Variants in R3HDM2 observed in about 807,000 individuals in gnomAD.
R3HDM2 encodes R3H domain containing 2.
A neutral mutation model predicts 124.5 loss-of-function variants in R3HDM2; 38 were observed. The ratio of observed to expected loss-of-function variants is 0.31; its 90% CI spans 0.24 to 0.40. The LOEUF is 0.40. Among genes scored for constraint, R3HDM2 ranks in the 10% least tolerant of loss-of-function variants. The probability of loss-of-function intolerance (pLI) is 1.00; values close to 1 mark genes in which losing one functional copy is unlikely to be tolerated. For missense variants in R3HDM2, 869 were observed against 1,236.9 expected, an observed-to-expected ratio of 0.70 and a Z score of 4.46; for synonymous variants, 391 against 448.0, an observed-to-expected ratio of 0.87 and a Z score of 1.61.
intron 2 of R3HDM2, among the ~76,000 whole-genome samples, chr12:57,315,182 C>A (rs866003224): frequency 6.6e-6 from 1 of 152,048 alleles, no homozygotes; most frequent in African/African-American, 2.4e-5. Flanking sequence ...GCATTACATG[C>A]GCTCGCTTCC....
At chr12:57,385,194 G>C (rs1445211608) in intron 2 of R3HDM2, among the ~76,000 whole-genome samples, 4 of 150,968 alleles carry the variant, frequency 2.6e-5, no homozygotes, top group Non-Finnish European at 2.9e-5. Context: ...TCTGGCTGTA[G>C]AATGAGGGGA....
intron 2 of R3HDM2, among the ~76,000 whole-genome samples, chr12:57,392,804 CTTTTTTTTTTT>C (rs1183514418): frequency 7.8e-6 from 1 of 127,526 alleles, no homozygotes; most frequent in Non-Finnish European, 1.7e-5. Context: ...CTATAGTACA[CTTTTTTTTTTT>C]TTTTTTTTTG....
intron 2 of R3HDM2, among the ~76,000 whole-genome samples, chr12:57,395,521 C>T (rs1282344852): frequency 6.6e-6 from 1 of 151,906 alleles, no homozygotes; most frequent in Non-Finnish European, 1.5e-5. Context: ...AAAAGGTGAT[C>T]TGCCCACCTC....
intron 2 of R3HDM2, among the ~76,000 whole-genome samples, chr12:57,360,052 T>A (rs555730055): frequency 0.1 from 12,474 of 122,518 alleles, 666 homozygotes; most frequent in Non-Finnish European, 0.15. Flanking sequence ...TATATATTTT[T>A]TTTTTTTTTT....
intron 2 of R3HDM2, among the ~76,000 whole-genome samples, chr12:57,376,231 G>C (rs1401139437): frequency 6.6e-6 from 1 of 152,160 alleles, no homozygotes; most frequent in Non-Finnish European, 1.5e-5. Flanking sequence ...AGCCTTACTC[G>C]ACTACTCTCA....
At chr12:57,272,119 C>T (rs1368062264) in intron 14 of R3HDM2, among the ~76,000 whole-genome samples, 1 of 152,104 alleles carries the variant, frequency 6.6e-6, no homozygotes, top group Admixed American at 6.5e-5. Context: ...AAACTAGGTT[C>T]CTCAGACATG....
rs546927110 is a variant in R3HDM2, at chr12:57,421,393, G to A, written c.-106+9327C>T. On this transcript the variant is annotated intron_variant, in intron 1 of 23. Transcript: ENST00000402412. ...TCCAACTCCCGACCTCAGGTGATCCGCCCACCTCAGCCTCCCAAAGTGCTG... is the reference window on the plus strand; with the variant it reads ...TCCAACTCCCGACCTCAGGTGATCCACCCACCTCAGCCTCCCAAAGTGCTG... 2.0e-3 allele frequency among the ~76,000 whole-genome samples: 294 copies of A among 146,864 alleles called. 2 individuals carry two copies. The highest frequency in any genetic ancestry group is 7.0e-3 in the African/African-American group (276 of 39,680).
chr12:57,254,789 C>T lies in R3HDM2; in HGVS notation c.2957G>A (p.Arg986Gln), dbSNP rs2038394501. 1.3e-6 allele frequency: 2 copies of T among 1,565,794 alleles called. No individual in the cohort carries two copies. Among genetic ancestry groups the T allele is most frequent in the Non-Finnish European group, 1.7e-6 (2 of 1,146,944 alleles). Reference protein sequence around the residue: ...KKNYDLRILERASSQ With the variant: ...KKNYDLRILEQASSQ ...CTCCTCCATTTATTGGGAGCTGGCT[C>T]GCTCCAGGATCCTCAGGTCATAGTT... is the stretch of plus-strand genomic sequence containing the variant. Residue 986 changes from arginine to glutamine, a missense_variant, in exon 24 of 24, where the codon CGA (arginine) becomes CAA (glutamine). Arg to Gln is a conservative substitution (Grantham distance 43). Around this residue, in one of 2 missense-constraint regions of R3HDM2, gnomAD observed 602 missense variants for 789.2 expected, o/e 0.76. Coordinates refer to ENST00000402412, the MANE Select transcript of R3HDM2 (RefSeq NM_001394031.1).
chr12:57,261,774 A>C (rs1015546092), intron 19 of R3HDM2, among the ~76,000 whole-genome samples: 1 of 150,400 alleles, frequency 6.6e-6, no homozygotes, highest in Non-Finnish European at 1.5e-5. Flanking sequence ...AAAAAAAAAA[A>C]AAAACCCTCT....
chr12:57,307,388 G>A (rs1230352760), intron 3 of R3HDM2, among the ~76,000 whole-genome samples: 2 of 151,662 alleles, frequency 1.3e-5, no homozygotes, highest in African/African-American at 4.8e-5. Flanking sequence ...GTGCGATTTT[G>A]GGCCACTGCA....
intron 13 of R3HDM2, among the ~76,000 whole-genome samples, chr12:57,281,195 G>A (rs560659847): frequency 1.3e-5 from 2 of 150,284 alleles, no homozygotes; most frequent in Non-Finnish European, 3.0e-5. Context: ...GCTGAGACAG[G>A]AGAATCGCTT....
chr12:57,427,146 T>C (rs1025530233), intron 1 of R3HDM2, among the ~76,000 whole-genome samples: 20 of 151,676 alleles, frequency 1.3e-4, no homozygotes, highest in African/African-American at 4.8e-4. Context: ...CAAAAATTAG[T>C]TGGACGTGGT....
At chr12:57,345,939 C>T (rs2060041333) in intron 2 of R3HDM2, among the ~76,000 whole-genome samples, 1 of 152,164 alleles carries the variant, frequency 6.6e-6, no homozygotes, top group African/African-American at 2.4e-5. Context: ...GCAGGCAGAT[C>T]ACCTGAGATC....
At chr12:57,261,768 A>C (rs1565843509) in intron 19 of R3HDM2, among the ~76,000 whole-genome samples, 1 of 151,416 alleles carries the variant, frequency 6.6e-6, no homozygotes, top group Non-Finnish European at 1.5e-5. Flanking sequence ...AAAAAAAAAA[A>C]AAAAAAAAAA....
intron 23 of R3HDM2, 79 bp from the exon 24 acceptor site, chr12:57,255,192 TC>T: frequency 8.4e-7 from 1 of 1,195,282 alleles, no homozygotes; most frequent in Non-Finnish European, 1.2e-6. Flanking sequence ...CAGAGAAGTG[TC>T]CAGCTGACTA....
At chr12:57,261,777 A>AC (rs2040909782) in intron 19 of R3HDM2, among the ~76,000 whole-genome samples, 1 of 150,882 alleles carries the variant, frequency 6.6e-6, no homozygotes, top group Non-Finnish European at 1.5e-5. Flanking sequence ...AAAAAAAAAA[A>AC]ACCCTCTGCC....
chr12:57,256,240 C>A, intron 22 of R3HDM2, 166 bp from the exon 23 acceptor site: 1 of 877,044 alleles, frequency 1.1e-6, no homozygotes, highest in East Asian at 2.6e-5. Flanking sequence ...AGAGCCCCTC[C>A]CTCTTGGCAT....
At chr12:57,376,743 A>C (rs2064116135) in intron 2 of R3HDM2, among the ~76,000 whole-genome samples, 1 of 152,088 alleles carries the variant, frequency 6.6e-6, no homozygotes, top group Admixed American at 6.6e-5. Context: ...TGAGGTCAGG[A>C]GTTTGACACC....
intron 1 of R3HDM2, among the ~76,000 whole-genome samples, chr12:57,429,073 A>G (rs1868890609): frequency 6.6e-6 from 1 of 152,072 alleles, no homozygotes; most frequent in Admixed American, 6.6e-5. Context: ...TTATTTGTCA[A>G]ATTTTTTTAA....
Sources: allele counts gnomAD v4.1 joint callset (sites outside exome capture counted in the v4.1 genomes callset), GRCh38; gene constraint gnomAD v4.1.1; regional missense constraint gnomAD v4.1.1; transcripts MANE v1.5; gene names NCBI Gene and HGNC (gene_info 2026-07-23, HGNC 2026-07-21).